The following PHKA1 variants were observed in gnomAD, a reference collection of about 807,000 sequenced individuals.
PHKA1 encodes the protein phosphorylase kinase regulatory subunit alpha 1, also known as phosphorylase b kinase regulatory subunit alpha, skeletal muscle isoform.
PHKA1 carries 60 observed loss-of-function variants against 110.2 expected under a neutral mutation model. That is an observed-to-expected ratio of 0.54 (90% confidence interval 0.44 to 0.68). The LOEUF (loss-of-function observed/expected upper bound fraction) is 0.68, where lower values mean the gene tolerates loss of function less well. Among genes scored for constraint, PHKA1 ranks in the 30% least tolerant of loss-of-function variants. PHKA1 has a pLI of 0.00. For synonymous variants in PHKA1, 316 were observed against 333.6 expected (o/e 0.95, Z 0.58); for missense variants, 801 against 942.5 (o/e 0.85, Z 1.97).
At chrX:72,599,752 A>G (rs1265043842) in intron 28 of PHKA1, 5 of 469,315 alleles carry the variant, frequency 1.1e-5, no homozygotes. Flanking sequence ...ATATGTCATG[A>G]TTTATATAAG....
At chrX:72,648,276 GA>G (rs782066763) in intron 13 of PHKA1, among the ~76,000 whole-genome samples, 1 of 111,628 alleles carries the variant, frequency 9.0e-6, no homozygotes, top group Non-Finnish European at 1.9e-5. Context: ...TTGAATAGGA[GA>G]AGAAACCCTT....
chrX:72,580,609 C>A lies in PHKA1; in HGVS notation c.*393G>T, dbSNP rs984264772. Reference sequence around the variant, plus strand: ...ACCACTCATATACACAATAAAATCACAAAAAAGAAAAACCAAGCTTTAGGA... The same window carrying A: ...ACCACTCATATACACAATAAAATCAAAAAAAAGAAAAACCAAGCTTTAGGA... On this transcript the variant is annotated 3_prime_UTR_variant, in exon 32 of 32. Transcript: ENST00000373542. 2.0e-5 allele frequency: 4 copies of A among 198,994 alleles called. No individual in the cohort carries two copies. The highest frequency in any genetic ancestry group is 3.7e-5 in the Non-Finnish European group (4 of 109,477). The allele number at this position is 198,994 out of a possible 1,213,427, so 16.4% of individuals were successfully genotyped here. A position where few individuals can be genotyped will look rare whatever the true frequency, so the allele number is the denominator to read the frequency against.
intron 8 of PHKA1, among the ~76,000 whole-genome samples, chrX:72,659,076 T>C: frequency 8.9e-6 from 1 of 112,355 alleles, no homozygotes; most frequent in Non-Finnish European, 1.9e-5. Flanking sequence ...CATTTATTAA[T>C]TGACATTCTC....
chrX:72,678,232 G>A (rs952171829), intron 5 of PHKA1, among the ~76,000 whole-genome samples: 2 of 111,427 alleles, frequency 1.8e-5, no homozygotes, highest in African/African-American at 3.3e-5. Context: ...TGGGCACTGG[G>A]TACACTCATT....
intron 8 of PHKA1, among the ~76,000 whole-genome samples, chrX:72,661,705 G>A (rs1480266868): frequency 1.0e-5 from 1 of 97,005 alleles, no homozygotes; most frequent in Non-Finnish European, 2.0e-5. Context: ...AAAACCCTAG[G>A]CCATGTTCAT....
intron 3 of PHKA1, among the ~76,000 whole-genome samples, chrX:72,703,706 A>G (rs2054238399): frequency 8.9e-6 from 1 of 111,889 alleles, no homozygotes; most frequent in African/African-American, 3.3e-5. Context: ...ACGAAAGTGC[A>G]AATATCTAAA....
At chrX:72,713,670 T>TCACACACACA (rs58583639) in intron 1 of PHKA1, 133 bp downstream of exon 1, 4,794 of 474,396 alleles carry the variant, frequency 0.01, 12 homozygotes, top group Non-Finnish European at 0.013. Flanking sequence ...AAGGTCTCCG[T>TCACACACACA]CACACACACA....
chrX:72,582,682 C>T (rs782080473), intron 30 of PHKA1, 84 bp from the exon 31 acceptor site: 5 of 618,786 alleles, frequency 8.1e-6, no homozygotes, highest in Non-Finnish European at 1.1e-5. Flanking sequence ...GCAGTAAAAA[C>T]ACTGTAGCCA....
intron 12 of PHKA1, among the ~76,000 whole-genome samples, chrX:72,651,363 C>T (rs1465667491): frequency 1.8e-5 from 2 of 110,039 alleles, no homozygotes; most frequent in Admixed American, 1.9e-4. Flanking sequence ...ATGGAGAAAC[C>T]CCATCTCTAC....
chrX:72,668,675 A>C (rs1241708460), intron 6 of PHKA1, among the ~76,000 whole-genome samples: 7 of 111,564 alleles, frequency 6.3e-5, no homozygotes, highest in Non-Finnish European at 1.1e-4. Flanking sequence ...CTATAGGGTA[A>C]GTAGAAGTTG....
intron 10 of PHKA1, among the ~76,000 whole-genome samples, chrX:72,655,077 G>C (rs1301519691): frequency 9.1e-6 from 1 of 110,417 alleles, no homozygotes; most frequent in Non-Finnish European, 1.9e-5. Flanking sequence ...GATTACAGGC[G>C]TGAGCCACCG....
chrX:72,653,830 T>C lies in PHKA1; in HGVS notation c.1042-300A>G, dbSNP rs782450354. On this transcript the variant is annotated intron_variant, in intron 10 of 31. Transcript: ENST00000373542. ...GTGGAAGATCAGAGCAAGTACACAG[T>C]TGAGTCCAGGGTGTAGCCATGGCAG... is the stretch of plus-strand genomic sequence containing the variant. Among the ~76,000 whole-genome samples, 11 of 111,525 alleles carry C rather than the reference T, an allele frequency of 9.9e-5. No homozygotes were observed. In the Admixed American group the frequency reaches 1.0e-3, roughly 11 times the overall value.
chrX:72,709,187 A>G (rs1226653372), intron 2 of PHKA1, among the ~76,000 whole-genome samples: 1 of 110,825 alleles, frequency 9.0e-6, no homozygotes, highest in Non-Finnish European at 1.9e-5. Context: ...GAAAAAATGA[A>G]TGACCACACA....
At chrX:72,641,421 T>C (rs1287670395) in intron 14 of PHKA1, among the ~76,000 whole-genome samples, 2 of 111,819 alleles carry the variant, frequency 1.8e-5, no homozygotes, top group East Asian at 5.6e-4. Context: ...TATTTCAATA[T>C]GTGGAAATGC....
At chrX:72,692,637 C>T (rs189586579) in intron 4 of PHKA1, among the ~76,000 whole-genome samples, 1 of 111,583 alleles carries the variant, frequency 9.0e-6, no homozygotes, top group Admixed American at 9.5e-5. Flanking sequence ...ATAGTATTCC[C>T]CTTTAGTTCT....
chrX:72,621,492 T>C lies in PHKA1; in HGVS notation c.1961-591A>G, dbSNP rs17312171. Among the ~76,000 whole-genome samples, 7,177 of 111,301 alleles carry C rather than the reference T, an allele frequency of 0.064. 825 individuals carry two copies. In the East Asian group the frequency reaches 0.68, roughly 11 times the overall value. On this transcript the variant is annotated intron_variant, in intron 18 of 31. Transcript: ENST00000373542. The stretch of plus-strand genomic sequence containing the variant: ...CTATAACATTATCTCTGAGTATGGG[T>C]AATGGAAAGAAAAACATACATATAT...
At position 72,701,459 on chromosome X, in the gene PHKA1, G is replaced by A. The variant is rs376130494; in HGVS notation, c.285+3739C>T. Among the ~76,000 whole-genome samples the A allele has an allele frequency of 7.1e-5, 8 of 112,199 alleles. No individual in the cohort carries two copies. In the East Asian group the frequency reaches 8.4e-4, roughly 12 times the overall value. ...CTAATGGCTGGGTGTGGTGGCTCAC[G>A]CCTATAATCACAGCATTTTGGGAGG... On this transcript the variant is annotated intron_variant, in intron 3 of 31. Coordinates refer to ENST00000373542, the MANE Select transcript of PHKA1 (RefSeq NM_002637.4).
chrX:72,676,787 A>C (rs1312480151), intron 5 of PHKA1, among the ~76,000 whole-genome samples: 4 of 112,052 alleles, frequency 3.6e-5, no homozygotes, highest in Non-Finnish European at 7.5e-5. Context: ...ACTTTTAAAA[A>C]CTTTTTATTT....
At chrX:72,605,492 C>G in intron 24 of PHKA1, 49 bp downstream of exon 24, 1 of 1,175,361 alleles carries the variant, frequency 8.5e-7, no homozygotes, top group African/African-American at 1.8e-5. Flanking sequence ...CAATTGAAAA[C>G]AAACTTTAAA....
Sources: gnomAD v4.1 joint callset for allele counts (sites outside exome capture counted in the v4.1 genomes callset) on GRCh38, gnomAD v4.1.1 for gene constraint, MANE v1.5 for transcripts, NCBI Gene and HGNC (gene_info 2026-07-23, HGNC 2026-07-21) for gene names.